MAN2A1: variants seen among roughly 807,000 people sequenced by gnomAD.
MAN2A1 encodes mannosidase alpha class 2A member 1.
Under a neutral mutation model 142.6 loss-of-function variants are expected in MAN2A1, and 76 were observed. The ratio of observed to expected loss-of-function variants is 0.53; its 90% CI spans 0.44 to 0.65. The LOEUF is 0.65. MAN2A1 is among the 30% of genes least tolerant of loss of function. The pLI, the probability that MAN2A1 is intolerant of heterozygous loss-of-function variation, is 0.00. For synonymous variants in MAN2A1, 559 were observed against 473.2 expected, an observed-to-expected ratio of 1.18 and a Z score of -2.35; for missense variants, 1,311 against 1,365.1, an observed-to-expected ratio of 0.96 and a Z score of 0.62.
chr5:109,827,876 C>T (rs530652228), intron 16 of MAN2A1, among the ~76,000 whole-genome samples: 50 of 152,128 alleles, frequency 3.3e-4, no homozygotes, highest in South Asian at 2.5e-3. Flanking sequence ...CCAAGGCAGG[C>T]GGATCACAAG....
rs764472750 is a variant in MAN2A1, at chr5:109,755,437, G to A, written c.816G>A (p.Gln272=). 4.5e-5 allele frequency: 73 copies of A among 1,611,724 alleles called. No homozygotes were observed. The highest frequency in any genetic ancestry group is 6.1e-5 in the Non-Finnish European group (72 of 1,177,984). Residue 272 remains glutamine (Q), a synonymous_variant, in exon 5 of 22, where the codon CAG becomes CAA. Transcript: ENST00000261483. Reference sequence around the variant, plus strand: ...TTGATCAACTAATTGAAGGACATCAGTGGCTGGAAAATAATATAGGTATGT... The same window carrying A: ...TTGATCAACTAATTGAAGGACATCAATGGCTGGAAAATAATATAGGTATGT... ...ALIDQLIEGH[Q]WLENNIGVKP... is the part of the protein sequence containing the mutation.
Position 109,706,578 on chromosome 5 carries a change from A to G in MAN2A1, c.136-6942A>G, listed in dbSNP as rs187577508. Among the ~76,000 whole-genome samples, 25 of 152,338 alleles carry G rather than the reference A, an allele frequency of 1.6e-4. 1 individual carries two copies. The highest frequency in any genetic ancestry group is 3.9e-4 in the Admixed American group (6 of 15,308). ...AGCCAGATAGCCTGAACAGGAGCCA[A>G]TGCTTAGCCATTAAGCTGAATTGCT... On this transcript the variant is annotated intron_variant, in intron 1 of 21. Coordinates refer to ENST00000261483, the MANE Select transcript of MAN2A1 (RefSeq NM_002372.4).
In MAN2A1 at chr5:109,746,316, A is replaced by G. The variant is rs571702863; in HGVS notation, c.708-9013A>G. On this transcript the variant is annotated intron_variant, in intron 4 of 21. Coordinates refer to ENST00000261483, the MANE Select transcript of MAN2A1 (RefSeq NM_002372.4). ...TCAGTGCTTAGGAGACACAGGTTAT[A>G]GCATTTATAGTTCAGAAAAAAATTT... Among the ~76,000 whole-genome samples the G allele has an allele frequency of 3.4e-4, 52 of 152,260 alleles. 1 individual carries two copies. The highest frequency in any genetic ancestry group is 3.4e-3 in the Middle Eastern group (1 of 294).
chr5:109,697,484 A>C (rs1750847558), intron 1 of MAN2A1, among the ~76,000 whole-genome samples: 1 of 152,050 alleles, frequency 6.6e-6, no homozygotes, highest in Non-Finnish European at 1.5e-5. Flanking sequence ...CTGGTTTTGA[A>C]CTCTGCTGAG....
At chr5:109,704,736 C>T (rs185831705) in intron 1 of MAN2A1, among the ~76,000 whole-genome samples, 1 of 152,280 alleles carries the variant, frequency 6.6e-6, no homozygotes, top group Non-Finnish European at 1.5e-5. Context: ...AACGATGACA[C>T]CCCTGCTGGA....
At chr5:109,726,084 T>TGAAC in intron 3 of MAN2A1, among the ~76,000 whole-genome samples, 2 of 152,290 alleles carry the variant, frequency 1.3e-5, no homozygotes, top group South Asian at 4.1e-4. Flanking sequence ...TTCTTAATGC[T>TGAAC]GTTCTAGCCC....
At chr5:109,748,853 T>C (rs1300175022) in intron 4 of MAN2A1, among the ~76,000 whole-genome samples, 1 of 151,730 alleles carries the variant, frequency 6.6e-6, no homozygotes, top group Non-Finnish European at 1.5e-5. Context: ...TGTTCAAAAG[T>C]ATACAGTGAG....
At position 109,755,318 on chromosome 5, in the gene MAN2A1, T is replaced by A. The variant is rs757507897; in HGVS notation, c.708-11T>A. 120 of 1,604,074 alleles carry A rather than the reference T, an allele frequency of 7.5e-5. No individual in the cohort carries two copies. The highest frequency in any genetic ancestry group is 9.7e-5 in the Non-Finnish European group (114 of 1,173,052). On this transcript the variant is annotated splice_polypyrimidine_tract_variant and intron_variant, in intron 4 of 21. Transcript: ENST00000261483. ...ATTTATTAATGTAGACTCTTGTTATTTTCTCTCTAGTTTAATAGAAAATGG... is the reference window on the plus strand; with the variant it reads ...ATTTATTAATGTAGACTCTTGTTATATTCTCTCTAGTTTAATAGAAAATGG...
chr5:109,849,081 G>A (rs372392555), intron 19 of MAN2A1, among the ~76,000 whole-genome samples: 66 of 152,162 alleles, frequency 4.3e-4, no homozygotes, highest in African/African-American at 1.6e-3. Flanking sequence ...GGCTTCTATG[G>A]AGCTATGCAG....
chr5:109,812,787 G>A (rs1431118368), intron 12 of MAN2A1, among the ~76,000 whole-genome samples: 1 of 152,066 alleles, frequency 6.6e-6, no homozygotes, highest in Non-Finnish European at 1.5e-5. Context: ...AAATGGAACT[G>A]CTCTGATAAA....
rs1441265687 is a variant in MAN2A1, at chr5:109,718,148, C to A, written c.535+1884C>A. 3.3e-5 allele frequency among the ~76,000 whole-genome samples: 5 copies of A among 152,286 alleles called. No individual in the cohort carries two copies. In the East Asian group the frequency reaches 9.7e-4, roughly 29 times the overall value. ...ATCATGTTTAGTTTAATTCTTGTTA[C>A]TTAATTGGGAGAGTGATGTGATTCC... is the stretch of plus-strand genomic sequence containing the variant. On this transcript the variant is annotated intron_variant, in intron 3 of 21. Transcript: ENST00000261483.
intron 12 of MAN2A1, among the ~76,000 whole-genome samples, chr5:109,799,533 TC>T (rs778396407): frequency 6.6e-6 from 1 of 152,012 alleles, no homozygotes; most frequent in Non-Finnish European, 1.5e-5. Context: ...GGCGGGCAGA[TC>T]ACCTGAGGTC....
chr5:109,703,019 A>G (rs1052455779), intron 1 of MAN2A1, among the ~76,000 whole-genome samples: 5 of 152,216 alleles, frequency 3.3e-5, no homozygotes, highest in Admixed American at 1.3e-4. Flanking sequence ...AATAGAAGGG[A>G]CTTATTCAGG....
At chr5:109,836,204 G>T (rs1056859214) in intron 16 of MAN2A1, among the ~76,000 whole-genome samples, 3 of 151,990 alleles carry the variant, frequency 2.0e-5, no homozygotes, top group African/African-American at 7.3e-5. Flanking sequence ...CTGCCTCCTA[G>T]GTTCAAGTGA....
At chr5:109,760,418 A>G (rs1055052118) in intron 5 of MAN2A1, among the ~76,000 whole-genome samples, 3 of 152,156 alleles carry the variant, frequency 2.0e-5, no homozygotes, top group Non-Finnish European at 4.4e-5. Context: ...AGTCTTTGCT[A>G]CTGTGAATAG....
chr5:109,731,700 T>A (rs1751917719), intron 4 of MAN2A1, among the ~76,000 whole-genome samples: 2 of 152,086 alleles, frequency 1.3e-5, no homozygotes, highest in African/African-American at 4.8e-5. Flanking sequence ...CTCATCCTTT[T>A]TTATGGCTGC....
intron 4 of MAN2A1, among the ~76,000 whole-genome samples, chr5:109,730,286 ACTTG>A (rs1183329092): frequency 6.6e-6 from 1 of 151,998 alleles, no homozygotes; most frequent in East Asian, 1.9e-4. Context: ...GGTTTTTGTG[ACTTG>A]CTTATTGTAC....
intron 12 of MAN2A1, among the ~76,000 whole-genome samples, chr5:109,795,536 C>G (rs895592974): frequency 1.3e-5 from 2 of 152,118 alleles, no homozygotes; most frequent in Non-Finnish European, 2.9e-5. Context: ...GCTTGACAGT[C>G]AGTGTATTAT....
At chr5:109,864,082 T>TA (rs1197624068) in intron 20 of MAN2A1, 1 of 152,164 alleles carries the variant, frequency 6.6e-6, no homozygotes, top group Non-Finnish European at 1.5e-5. Context: ...TCTTATCCCC[T>TA]AGTGAGGATG....
Sources: gnomAD v4.1 joint callset for allele counts (sites outside exome capture counted in the v4.1 genomes callset) on GRCh38, gnomAD v4.1.1 for gene constraint, MANE v1.5 for transcripts, NCBI Gene and HGNC (gene_info 2026-07-23, HGNC 2026-07-21) for gene names.